Variants in CDK17 observed in about 807,000 individuals in gnomAD.
CDK17 encodes the protein cyclin-dependent kinase 17.
Under a neutral mutation model 77.6 loss-of-function variants are expected in CDK17, and 24 were observed. The ratio of observed to expected loss-of-function variants is 0.31; its 90% confidence interval spans 0.22 to 0.44. The LOEUF (loss-of-function observed/expected upper bound fraction) is 0.44. Among genes scored for constraint, CDK17 ranks in the 20% least tolerant of loss-of-function variants. The pLI, the probability that CDK17 is intolerant of heterozygous loss-of-function variation, is 1.00. For missense variants in CDK17, 429 were observed against 622.5 expected (o/e 0.69, Z 3.31); for synonymous variants, 203 against 210.4 (o/e 0.96, Z 0.30).
intron 1 of CDK17, among the ~76,000 whole-genome samples, chr12:96,352,507 G>A (rs1214168820): frequency 6.6e-6 from 1 of 152,134 alleles, no homozygotes; most frequent in East Asian, 1.9e-4. Context: ...GGGCTATAAA[G>A]GATGGCGAGA....
intron 1 of CDK17, among the ~76,000 whole-genome samples, chr12:96,380,192 A>G (rs1162054302): frequency 2.0e-5 from 3 of 151,698 alleles, no homozygotes; most frequent in Non-Finnish European, 4.4e-5. Context: ...AAACAAAAAA[A>G]AAACCCAAAA....
chr12:96,304,011 A>G (rs139126704), intron 5 of CDK17, among the ~76,000 whole-genome samples: 358 of 152,340 alleles, frequency 2.4e-3, no homozygotes, highest in Non-Finnish European at 3.6e-3. Context: ...AGAGTAAGAG[A>G]TCAACTAATA....
chr12:96,297,847 A>C (rs959027787), intron 7 of CDK17, 126 bp from the exon 8 acceptor site: 3 of 538,292 alleles, frequency 5.6e-6, no homozygotes, highest in Non-Finnish European at 9.9e-6. Flanking sequence ...GCTCACCCCT[A>C]TAATCCCAGC....
chr12:96,375,547 T>C (rs938713535), intron 1 of CDK17, among the ~76,000 whole-genome samples: 1 of 140,462 alleles, frequency 7.1e-6, no homozygotes, highest in African/African-American at 2.7e-5. Context: ...AGAGTTTTGC[T>C]CTTGTTGCCT....
chr12:96,379,977 T>C (rs1315478861), intron 1 of CDK17, among the ~76,000 whole-genome samples: 2 of 151,496 alleles, frequency 1.3e-5, no homozygotes, highest in Non-Finnish European at 2.9e-5. Flanking sequence ...GAAACCAGCC[T>C]GGGCAACACA....
At chr12:96,339,535 T>A (rs1953093481) in intron 1 of CDK17, among the ~76,000 whole-genome samples, 1 of 151,924 alleles carries the variant, frequency 6.6e-6, no homozygotes, top group Non-Finnish European at 1.5e-5. Flanking sequence ...GCTATGTGTA[T>A]TTTACAACTT....
chr12:96,292,640 T>C (rs1033047984), intron 10 of CDK17, among the ~76,000 whole-genome samples: 6 of 152,004 alleles, frequency 3.9e-5, no homozygotes, highest in Non-Finnish European at 7.4e-5. Flanking sequence ...TAATCATTTA[T>C]GAAAAAAAAT....
intron 1 of CDK17, among the ~76,000 whole-genome samples, chr12:96,361,331 A>G (rs1953489956): frequency 6.6e-6 from 1 of 152,228 alleles, no homozygotes; most frequent in Non-Finnish European, 1.5e-5. Flanking sequence ...GCAAACAAAA[A>G]GGAGAAAAGT....
chr12:96,378,652 T>C (rs189798495), intron 1 of CDK17, among the ~76,000 whole-genome samples: 22 of 152,320 alleles, frequency 1.4e-4, no homozygotes, highest in Admixed American at 1.2e-3. Flanking sequence ...CTTGTTCAAA[T>C]AGAAAATGTT....
intron 1 of CDK17, chr12:96,387,065 A>T (rs1953988088): frequency 5.8e-6 from 2 of 342,180 alleles, no homozygotes; most frequent in South Asian, 3.0e-5. Flanking sequence ...CTTCAGGGTC[A>T]TTTTCACGCT....
At chr12:96,330,369 T>C (rs546662862) in intron 2 of CDK17, among the ~76,000 whole-genome samples, 1 of 152,344 alleles carries the variant, frequency 6.6e-6, no homozygotes, top group Non-Finnish European at 1.5e-5. Context: ...GAATTTTTTA[T>C]TGAGATGAAA....
chr12:96,323,825 G>T, intron 3 of CDK17, 123 bp downstream of exon 3: 1 of 625,436 alleles, frequency 1.6e-6, no homozygotes, highest in Non-Finnish European at 2.6e-6. Context: ...TATTCCTCTT[G>T]ATCTCAACTT....
intron 1 of CDK17, among the ~76,000 whole-genome samples, chr12:96,397,209 T>C (rs1024501133): frequency 2.0e-5 from 3 of 152,156 alleles, no homozygotes; most frequent in Admixed American, 6.5e-5. Flanking sequence ...AAACTAAATA[T>C]ATCAACAAAC....
intron 1 of CDK17, among the ~76,000 whole-genome samples, chr12:96,357,268 T>G (rs1489270296): frequency 1.3e-5 from 2 of 152,050 alleles, no homozygotes; most frequent in Non-Finnish European, 2.9e-5. Context: ...GAGACTAGCC[T>G]AGGCAACACA....
chr12:96,382,070 G>T (rs183795051), intron 1 of CDK17, among the ~76,000 whole-genome samples: 5 of 152,202 alleles, frequency 3.3e-5, no homozygotes, highest in Admixed American at 3.3e-4. Context: ...CTTTGGTTTG[G>T]GAATTCCACT....
At chr12:96,312,921 A>T (rs759811385) in intron 4 of CDK17, among the ~76,000 whole-genome samples, 5 of 151,850 alleles carry the variant, frequency 3.3e-5, no homozygotes, top group Non-Finnish European at 5.9e-5. Context: ...TGAAACAGAG[A>T]AAATAAAATG....
chr12:96,307,343 A>C (rs1452173062), intron 5 of CDK17, among the ~76,000 whole-genome samples: 4 of 152,152 alleles, frequency 2.6e-5, no homozygotes, highest in African/African-American at 4.8e-5. Context: ...CATAAATAAA[A>C]ACTTTAATCA....
intron 1 of CDK17, among the ~76,000 whole-genome samples, chr12:96,395,834 G>T (rs2137253805): frequency 6.6e-6 from 1 of 152,284 alleles, no homozygotes; most frequent in Non-Finnish European, 1.5e-5. Flanking sequence ...CCTGCAGACA[G>T]GGAGGAAAGG....
Position 96,323,942 on chromosome 12 carries a change from A to G in CDK17, c.283+6T>C, listed in dbSNP as rs1175057747. 4 of 1,568,072 alleles carry G rather than the reference A, an allele frequency of 2.6e-6. No individual in the cohort carries two copies. Among genetic ancestry groups the G allele is most frequent in the Non-Finnish European group, 3.5e-6 (4 of 1,156,848 alleles). ...GGTAAACACAACAGACAAGTAATCA[A>G]ATTACCTAATCTGCTTCCATTTCTG... On this transcript the variant is annotated splice_donor_region_variant and intron_variant, in intron 3 of 16. Coordinates refer to ENST00000261211, the MANE Select transcript of CDK17 (RefSeq NM_002595.5).
Sources: allele counts gnomAD v4.1 joint callset (sites outside exome capture counted in the v4.1 genomes callset), GRCh38; gene constraint gnomAD v4.1.1; transcripts MANE v1.5; gene names NCBI Gene and HGNC (gene_info 2026-07-23, HGNC 2026-07-21).